SMAD9: variants seen among roughly 807,000 people sequenced by gnomAD.
SMAD9 encodes the protein SMAD family member 9.
In SMAD9, 36 loss-of-function variants were observed where a neutral mutation model predicts 46.1. The ratio of observed to expected loss-of-function variants is 0.78; its 90% confidence interval spans 0.60 to 1.03. The LOEUF is 1.03. Among genes scored for constraint, SMAD9 ranks in the 50% least tolerant of loss-of-function variants. The pLI is 0.00. For synonymous variants in SMAD9, 245 were observed against 237.1 expected (o/e 1.03, Z -0.31); for missense variants, 572 against 599.8 (o/e 0.95, Z 0.48).
chr13:36,901,098 C>T (rs1362847470), intron 1 of SMAD9, among the ~76,000 whole-genome samples: 2 of 152,154 alleles, frequency 1.3e-5, no homozygotes, highest in East Asian at 1.9e-4. Context: ...GTCCATATTC[C>T]ACCTTTAGGT....
rs1331481955 is a variant in SMAD9, at chr13:36,848,398, C to T, written c.*278G>A. The T allele has an allele frequency of 2.2e-6, 1 of 460,566 alleles. No homozygotes were observed. Among genetic ancestry groups the T allele is most frequent in the Non-Finnish European group, 4.0e-6 (1 of 251,902 alleles). 28.5% of individuals were successfully genotyped at this position (460,566 alleles called of 1,614,324 possible). ...AGCTGTCTTTTATTCTGCTAACACC[C>T]TTCAAATACTGTTGACAATATCGCC... On this transcript the variant is annotated 3_prime_UTR_variant, in exon 7 of 7. Transcript: ENST00000379826.
At chr13:36,902,754 C>G (rs1046831939) in intron 1 of SMAD9, among the ~76,000 whole-genome samples, 4 of 152,156 alleles carry the variant, frequency 2.6e-5, no homozygotes, top group Non-Finnish European at 4.4e-5. Flanking sequence ...CCGCACCCAG[C>G]CTTGCTCTTC....
At chr13:36,871,472 C>A (rs975194671) in intron 3 of SMAD9, among the ~76,000 whole-genome samples, 1 of 152,048 alleles carries the variant, frequency 6.6e-6, no homozygotes, top group South Asian at 2.1e-4. Context: ...AAGCCAGGAT[C>A]ATGCCACTGC....
chr13:36,855,251 CAAAAAAAAAA>C (rs1198605048), intron 5 of SMAD9, among the ~76,000 whole-genome samples: 1 of 45,974 alleles, frequency 2.2e-5, no homozygotes, highest in Non-Finnish European at 4.4e-5. Context: ...GAGTCCATCT[CAAAAAAAAAA>C]AAAAAAAAAA....
intron 2 of SMAD9, among the ~76,000 whole-genome samples, chr13:36,876,806 A>G (rs1055314645): frequency 1.2e-4 from 19 of 152,340 alleles, no homozygotes; most frequent in African/African-American, 4.6e-4. Context: ...ATAGGAACTC[A>G]GCAAACTTGT....
intron 1 of SMAD9, among the ~76,000 whole-genome samples, chr13:36,887,918 G>A (rs1287320892): frequency 6.6e-6 from 1 of 152,112 alleles, no homozygotes; most frequent in Non-Finnish European, 1.5e-5. Flanking sequence ...CAGATTTGAG[G>A]AGCAAGGAAA....
intron 5 of SMAD9, 104 bp downstream of exon 5, chr13:36,865,433 C>T: frequency 1.1e-6 from 1 of 928,026 alleles, no homozygotes; most frequent in South Asian, 1.3e-5. Flanking sequence ...GGTCCTTCCA[C>T]AGGGGCACAT....
At chr13:36,911,206 C>T (rs977734072) in intron 1 of SMAD9, among the ~76,000 whole-genome samples, 1 of 151,984 alleles carries the variant, frequency 6.6e-6, no homozygotes, top group Non-Finnish European at 1.5e-5. Flanking sequence ...GAAGGGTTTT[C>T]ACCATGTTGT....
intron 3 of SMAD9, 46 bp downstream of exon 3, chr13:36,872,612 G>A (rs755514256): frequency 4.1e-5 from 66 of 1,599,862 alleles, no homozygotes; most frequent in South Asian, 1.1e-4. Context: ...TCATGATGTT[G>A]GGCTTATTTT....
Position 36,848,394 on chromosome 13 carries a change from C to T in SMAD9, c.*282G>A, listed in dbSNP as rs1345121046. 1 of 446,734 alleles carries T rather than the reference C, an allele frequency of 2.2e-6. No individual in the cohort carries two copies. Among genetic ancestry groups the T allele is most frequent in the Non-Finnish European group, 4.1e-6 (1 of 243,878 alleles). The allele number at this position is 446,734 out of a possible 1,614,324, so 27.7% of individuals were successfully genotyped here. ...CTAAAGCTGTCTTTTATTCTGCTAA[C>T]ACCCTTCAAATACTGTTGACAATAT... On this transcript the variant is annotated 3_prime_UTR_variant, in exon 7 of 7. Transcript: ENST00000379826.
At chr13:36,893,356 A>C (rs2138588019) in intron 1 of SMAD9, among the ~76,000 whole-genome samples, 1 of 150,596 alleles carries the variant, frequency 6.6e-6, no homozygotes, top group East Asian at 1.9e-4. Context: ...TTTTAAAAAA[A>C]TTGAAAGCCA....
chr13:36,891,287 C>G, intron 1 of SMAD9, among the ~76,000 whole-genome samples: 1 of 152,262 alleles, frequency 6.6e-6, no homozygotes, highest in East Asian at 1.9e-4. Context: ...ATTCAGTCAA[C>G]AAGTATTTAT....
At chr13:36,872,151 G>T (rs1324591041) in intron 3 of SMAD9, among the ~76,000 whole-genome samples, 1 of 152,030 alleles carries the variant, frequency 6.6e-6, no homozygotes, top group Non-Finnish European at 1.5e-5. Flanking sequence ...ATGCTGTCCT[G>T]GCTTCACATG....
intron 1 of SMAD9, among the ~76,000 whole-genome samples, chr13:36,915,927 T>C (rs906589773): frequency 2.4e-4 from 36 of 152,250 alleles, no homozygotes; most frequent in African/African-American, 8.0e-4. Context: ...ATGACATTTA[T>C]AAGCAAATTC....
chr13:36,867,302 C>T lies in SMAD9; in HGVS notation c.752G>A (p.Arg251Lys). The part of the protein sequence containing the change: ...SGQPVDATAD[R>K]HVVLSIPNGD... ...ATTTGGTATCGATAGCACTACATGT[C>T]TATCAGCTGTGGCATCTACAGGTTG... is the stretch of plus-strand genomic sequence containing the variant. The change falls in exon 4 of 7, where the codon AGA (arginine) becomes AAA (lysine). Residue 251 changes from arginine to lysine, a missense_variant. By Grantham distance (26) the Arg-to-Lys change is conservative. Coordinates refer to ENST00000379826, the MANE Select transcript of SMAD9 (RefSeq NM_001127217.3). 6.4e-7 allele frequency: 1 copy of T among 1,550,776 alleles called. No individual in the cohort carries two copies. Among genetic ancestry groups the T allele is most frequent in the Non-Finnish European group, 8.7e-7 (1 of 1,146,166 alleles).
chr13:36,894,645 C>T lies in SMAD9; in HGVS notation c.-186-14770G>A, dbSNP rs184385382. 2.0e-3 allele frequency among the ~76,000 whole-genome samples: 306 copies of T among 152,180 alleles called. 2 individuals are homozygous for T. Among genetic ancestry groups the T allele is most frequent in the African/African-American group, 6.7e-3 (277 of 41,502 alleles). On this transcript the variant is annotated intron_variant, in intron 1 of 6. Coordinates refer to ENST00000379826, the MANE Select transcript of SMAD9 (RefSeq NM_001127217.3). ...CATTCCTGTCTTTCTGCTTCCTGACCTCTTCCTCTCCCCTCTTTTAGGTCC... is the reference window on the plus strand; with the variant it reads ...CATTCCTGTCTTTCTGCTTCCTGACTTCTTCCTCTCCCCTCTTTTAGGTCC...
rs1035435607 is a variant in SMAD9, at chr13:36,851,433, C to T, written c.1260+1986G>A. The stretch of plus-strand genomic sequence containing the variant: ...CTCATGTGCAGATGACTCCACTGCC[C>T]CCGTGCTCCAATTCCCTTCACCCTG... On this transcript the variant is annotated intron_variant, in intron 6 of 6. Transcript: ENST00000379826. Among the ~76,000 whole-genome samples, 5 of 152,178 alleles carry T rather than the reference C, an allele frequency of 3.3e-5. No individual in the cohort carries two copies. The East Asian group carries it at 9.6e-4, about 29-fold the overall frequency.
intron 3 of SMAD9, 58 bp from the exon 4 acceptor site, chr13:36,867,441 T>C (rs1214316594): frequency 3.0e-5 from 35 of 1,174,274 alleles, no homozygotes; most frequent in South Asian, 9.9e-5. Context: ...ACAAAGACAG[T>C]TGGATCCGAC....
chr13:36,879,135 C>T (rs1434731975), intron 2 of SMAD9, 143 bp downstream of exon 2: 8 of 759,028 alleles, frequency 1.1e-5, no homozygotes, highest in Admixed American at 2.6e-5. Context: ...GGACGAGTCC[C>T]TCAAAACTGA....
Sources: gnomAD v4.1 joint callset for allele counts (sites outside exome capture counted in the v4.1 genomes callset) on GRCh38, gnomAD v4.1.1 for gene constraint, MANE v1.5 for transcripts, NCBI Gene and HGNC (gene_info 2026-07-23, HGNC 2026-07-21) for gene names.